GCC2: variants seen among roughly 807,000 people sequenced by gnomAD.
GCC2 encodes the protein GRIP and coiled-coil domain containing 2.
A neutral mutation model predicts 210.6 loss-of-function variants in GCC2; 120 were observed. That is an observed-to-expected ratio of 0.57 (90% CI 0.49 to 0.66). The LOEUF is 0.66. Ranked by LOEUF, GCC2 falls within the 30% of genes least tolerant of loss-of-function variation. The pLI, the probability that GCC2 is intolerant of heterozygous loss-of-function variation, is 0.00. For missense variants in GCC2, 1,868 were observed against 1,871.9 expected (o/e 1.00, Z 0.04); for synonymous variants, 703 against 652.7 (o/e 1.08, Z -1.17).
intron 22 of GCC2, among the ~76,000 whole-genome samples, chr2:108,502,478 G>A (rs969234414): frequency 2.0e-5 from 3 of 152,174 alleles, no homozygotes; most frequent in African/African-American, 7.2e-5. Flanking sequence ...GCTAAGTCCT[G>A]TAAACAGACA....
At chr2:108,485,557 A>G in intron 13 of GCC2, 79 bp from the exon 14 acceptor site, 1 of 754,818 alleles carries the variant, frequency 1.3e-6, no homozygotes, top group Non-Finnish European at 2.2e-6. Flanking sequence ...AGCCAATACA[A>G]AGAAGACATA....
rs1682101338 is a variant in GCC2 at position 108,485,637 on chromosome 2, T to A, written c.3615T>A (p.Thr1205=). 1.3e-6 allele frequency: 2 copies of A among 1,486,082 alleles called. No individual in the cohort carries two copies. The highest frequency in any genetic ancestry group is 2.3e-5 in the East Asian group (1 of 43,446). 92.1% of individuals were successfully genotyped at this position (1,486,082 alleles called of 1,614,324 possible). A position where few individuals can be genotyped will look rare whatever the true frequency, so the allele number is the denominator to read the frequency against. Residue 1205 remains threonine (T), a splice_region_variant and synonymous_variant, in exon 14 of 23, where the codon ACT becomes ACA. Transcript: ENST00000309863. The part of the protein sequence containing the change: ...QKQETLQEEI[T]SLQSSVQQYE... Reference sequence around the variant, plus strand: ...TGCTGAAATTATTTCTTGTGCTAGCTTCATTACAGTCTTCAGTACAACAAT... The same window carrying A: ...TGCTGAAATTATTTCTTGTGCTAGCATCATTACAGTCTTCAGTACAACAAT...
intron 6 of GCC2, 108 bp from the exon 7 acceptor site, chr2:108,472,719 G>A (rs1376308376): frequency 2.0e-5 from 14 of 683,364 alleles, no homozygotes; most frequent in Non-Finnish European, 2.7e-5. Flanking sequence ...AATTCTCTTT[G>A]ATAGTGATTT....
chr2:108,501,914 G>A (rs916511027), intron 22 of GCC2, among the ~76,000 whole-genome samples: 3 of 152,218 alleles, frequency 2.0e-5, no homozygotes, highest in East Asian at 1.9e-4. Context: ...AATACTGACA[G>A]TAATCTCAGT....
intron 4 of GCC2, among the ~76,000 whole-genome samples, chr2:108,452,807 C>T (rs1393008983): frequency 1.3e-5 from 2 of 151,094 alleles, no homozygotes; most frequent in East Asian, 3.9e-4. Flanking sequence ...AGTTCTCCTG[C>T]CTCAGCCTTC....
intron 17 of GCC2, 40 bp downstream of exon 17, chr2:108,487,860 A>G (rs1029323666): frequency 3.8e-6 from 6 of 1,562,088 alleles, no homozygotes; most frequent in East Asian, 2.3e-5. Context: ...TCCTCCCACA[A>G]TGCAGGTTCT....
chr2:108,475,927 G>A (rs1212090336), intron 9 of GCC2, 77 bp downstream of exon 9: 5 of 741,428 alleles, frequency 6.7e-6, no homozygotes, highest in Non-Finnish European at 1.1e-5. Context: ...TAGTGGAAAT[G>A]TAAAACTATT....
chr2:108,473,777 A>G (rs568985376), intron 7 of GCC2, among the ~76,000 whole-genome samples: 1 of 152,232 alleles, frequency 6.6e-6, no homozygotes. Context: ...CCAAGTAAAG[A>G]TGTTAGAATG....
chr2:108,456,997 C>T (rs1251250330), intron 4 of GCC2, among the ~76,000 whole-genome samples: 3 of 151,014 alleles, frequency 2.0e-5, no homozygotes, highest in East Asian at 1.9e-4. Flanking sequence ...TAATGTAGTC[C>T]TATTTGTCTG....
At chr2:108,506,211 CGAG>C (rs771705155) in intron 22 of GCC2, among the ~76,000 whole-genome samples, 4 of 152,134 alleles carry the variant, frequency 2.6e-5, no homozygotes, top group Non-Finnish European at 4.4e-5. Context: ...TTGCTAAAAA[CGAG>C]GAAGATCTCA....
chr2:108,481,341 T>C (rs1184916277), intron 9 of GCC2, among the ~76,000 whole-genome samples: 2 of 152,230 alleles, frequency 1.3e-5, no homozygotes, highest in African/African-American at 2.4e-5. Flanking sequence ...CAGGTTAAAC[T>C]TTTTATCCTC....
At chr2:108,488,406 TAAG>T (rs1337738044) in intron 17 of GCC2, among the ~76,000 whole-genome samples, 2 of 152,218 alleles carry the variant, frequency 1.3e-5, no homozygotes, top group African/African-American at 4.8e-5. Flanking sequence ...TCAATCTTAA[TAAG>T]ATCTTGTCGT....
intron 17 of GCC2, among the ~76,000 whole-genome samples, 157 bp from the exon 18 acceptor site, chr2:108,489,681 T>C (rs1336540158): frequency 6.6e-6 from 1 of 151,804 alleles, no homozygotes; most frequent in African/African-American, 2.4e-5. Flanking sequence ...TATCTTTTTA[T>C]TATGTTTAAT....
At chr2:108,484,456 A>G (rs1448070882) in intron 13 of GCC2, 145 bp downstream of exon 13, 1 of 515,490 alleles carries the variant, frequency 1.9e-6, no homozygotes, top group Non-Finnish European at 3.5e-6. Context: ...GGGACCCAGA[A>G]TGGGTGTAAA....
intron 9 of GCC2, among the ~76,000 whole-genome samples, chr2:108,476,333 C>T (rs979032540): frequency 1.3e-5 from 2 of 152,114 alleles, no homozygotes; most frequent in Non-Finnish European, 2.9e-5. Context: ...GCTGGGATTA[C>T]AGGCATGCGC....
rs1255127111 is a variant in GCC2 at position 108,449,226 on chromosome 2, GT to G, written c.-48del. On this transcript the variant is annotated 5_prime_UTR_variant, in exon 1 of 23. Transcript: ENST00000309863. ...ACGTCAGAGGCTGGCGCAAACAGAA[GT>G]GCAGCGGTGGCGGCGGCTGGTTGCG... 1.6e-5 allele frequency: 24 copies of G among 1,542,328 alleles called. No homozygotes were observed. Among genetic ancestry groups the G allele is most frequent in the Non-Finnish European group, 1.9e-5 (22 of 1,139,392 alleles).
intron 7 of GCC2, chr2:108,475,067 A>G (rs1284215660): frequency 6.6e-6 from 1 of 152,396 alleles, no homozygotes; most frequent in Non-Finnish European, 1.5e-5. Flanking sequence ...AAGTTAACAG[A>G]GATCAATATT....
chr2:108,481,126 T>G (rs1681830269), intron 9 of GCC2, among the ~76,000 whole-genome samples: 1 of 152,254 alleles, frequency 6.6e-6, no homozygotes, highest in African/African-American at 2.4e-5. Flanking sequence ...CTGATCATTC[T>G]GTCCTTCAGT....
intron 7 of GCC2, among the ~76,000 whole-genome samples, chr2:108,473,935 C>T (rs897206074): frequency 4.0e-5 from 6 of 151,876 alleles, no homozygotes; most frequent in African/African-American, 7.3e-5. Flanking sequence ...GGGCGGATCA[C>T]GAGGTCAGGA....
Sources: gnomAD v4.1 joint callset for allele counts (sites outside exome capture counted in the v4.1 genomes callset) on GRCh38, gnomAD v4.1.1 for gene constraint, MANE v1.5 for transcripts, NCBI Gene and HGNC (gene_info 2026-07-23, HGNC 2026-07-21) for gene names.